PHACTR3: variants seen among roughly 807,000 people sequenced by gnomAD.
The protein encoded by PHACTR3 is phosphatase and actin regulator 3, also known as protein phosphatase 1, regulatory subunit 123.
In PHACTR3, 16 loss-of-function variants were observed where a neutral mutation model predicts 66.8. The ratio of observed to expected loss-of-function variants is 0.24; its 90% CI spans 0.16 to 0.36. PHACTR3 has a LOEUF of 0.36. Ranked by LOEUF, PHACTR3 falls within the 10% of genes least tolerant of loss-of-function variation. PHACTR3 has a pLI of 1.00. For missense variants in PHACTR3, 647 were observed against 719.9 expected (o/e 0.90, Z 1.16); for synonymous variants, 323 against 292.1 (o/e 1.11, Z -1.08).
chr20:59,762,014 A>G (rs1032404669), intron 4 of PHACTR3, among the ~76,000 whole-genome samples: 29 of 152,242 alleles, frequency 1.9e-4, no homozygotes, highest in Admixed American at 2.0e-4. Flanking sequence ...ATTCCAAAAT[A>G]CAACGGTGGC....
In PHACTR3 at chr20:59,586,085, C is replaced by T. The variant is rs114936447; in HGVS notation, c.109+8468C>T. On this transcript the variant is annotated intron_variant, in intron 1 of 12. Transcript: ENST00000359926. ...CCACCCTATGTGTTCGTGCTGTCACCTGACAGGTGCCCTTGGTAGCCCTTC... is the reference window on the plus strand; with the variant it reads ...CCACCCTATGTGTTCGTGCTGTCACTTGACAGGTGCCCTTGGTAGCCCTTC... Among the ~76,000 whole-genome samples, 713 of 152,314 alleles carry T rather than the reference C, an allele frequency of 4.7e-3. 5 individuals carry two copies. Among genetic ancestry groups the T allele is most frequent in the African/African-American group, 0.016 (675 of 41,564 alleles).
intron 1 of PHACTR3, among the ~76,000 whole-genome samples, chr20:59,691,429 T>C (rs1266529732): frequency 6.6e-6 from 1 of 152,222 alleles, no homozygotes; most frequent in East Asian, 1.9e-4. Context: ...TTTTCTCTGA[T>C]TTTCTTGCCT....
chr20:59,670,131 G>T (rs937203154), intron 1 of PHACTR3, among the ~76,000 whole-genome samples: 2 of 152,208 alleles, frequency 1.3e-5, no homozygotes, highest in African/African-American at 4.8e-5. Context: ...TTTAGGTGCT[G>T]CTCTTTCTTC....
Position 59,744,300 on chromosome 20 carries a change from G to T in PHACTR3, c.280+1032G>T, listed in dbSNP as rs148717654. ...CCCTGGCAGCCGGGTGTGGTGGCTC[G>T]TCAGCCTGGGCTCTGCAGATGGCAG... is the stretch of plus-strand genomic sequence containing the variant. On this transcript the variant is annotated intron_variant, in intron 2 of 12. Coordinates refer to ENST00000371015, the MANE Select transcript of PHACTR3 (RefSeq NM_080672.5). Among the ~76,000 whole-genome samples, 11 of 152,350 alleles carry T rather than the reference G, an allele frequency of 7.2e-5. No homozygotes were observed. The East Asian group carries it at 2.1e-3, about 29-fold the overall frequency.
At chr20:59,740,220 T>C (rs912570489) in intron 1 of PHACTR3, among the ~76,000 whole-genome samples, 3 of 152,208 alleles carry the variant, frequency 2.0e-5, no homozygotes, top group African/African-American at 7.2e-5. Context: ...TCTAGACATA[T>C]AGATAATATT....
At chr20:59,788,827 T>C (rs1366017503) in intron 7 of PHACTR3, among the ~76,000 whole-genome samples, 2 of 152,068 alleles carry the variant, frequency 1.3e-5, no homozygotes, top group African/African-American at 4.8e-5. Context: ...TGTTTCCACA[T>C]CAAAGCCCAG....
chr20:59,706,918 C>T (rs2037726083), intron 1 of PHACTR3, among the ~76,000 whole-genome samples: 1 of 152,200 alleles, frequency 6.6e-6, no homozygotes, highest in South Asian at 2.1e-4. Flanking sequence ...CTCAAGTCCT[C>T]ACATCATCTG....
chr20:59,696,366 T>C (rs992101010), intron 1 of PHACTR3, among the ~76,000 whole-genome samples: 14 of 152,164 alleles, frequency 9.2e-5, no homozygotes, highest in Admixed American at 2.6e-4. Context: ...TTCAGGGCTT[T>C]ACTGAGAGCC....
chr20:59,748,424 C>G (rs1260729128), intron 3 of PHACTR3, among the ~76,000 whole-genome samples: 1 of 152,170 alleles, frequency 6.6e-6, no homozygotes, highest in Non-Finnish European at 1.5e-5. Context: ...AGAGCAGAGA[C>G]ACAGAACAAA....
chr20:59,723,243 T>C (rs1001992832), intron 1 of PHACTR3, among the ~76,000 whole-genome samples: 2 of 152,018 alleles, frequency 1.3e-5, no homozygotes, highest in Non-Finnish European at 2.9e-5. Context: ...TAAAACACTT[T>C]CATCATCCCA....
chr20:59,796,171 A>G (rs1018434196), intron 7 of PHACTR3, among the ~76,000 whole-genome samples: 26 of 152,136 alleles, frequency 1.7e-4, no homozygotes, highest in African/African-American at 4.8e-4. Flanking sequence ...ATAAAAAATT[A>G]TAAAGTTATA....
chr20:59,588,633 G>C lies in PHACTR3; in HGVS notation c.109+11016G>C, dbSNP rs529962113. 1.6e-3 allele frequency among the ~76,000 whole-genome samples: 248 copies of C among 152,204 alleles called. 2 individuals carry two copies. The highest frequency in any genetic ancestry group is 5.6e-3 in the African/African-American group (234 of 41,512). Reference sequence around the variant, plus strand: ...ATCCTCAGCCTCCCGCCATCTTCCCGGTACTGCCCCACCCCTCACCCCTGG... The same window carrying C: ...ATCCTCAGCCTCCCGCCATCTTCCCCGTACTGCCCCACCCCTCACCCCTGG... On this transcript the variant is annotated intron_variant, in intron 1 of 12. Coordinates refer to the PHACTR3 transcript ENST00000359926.
chr20:59,616,292 G>T (rs2034022039), intron 1 of PHACTR3, among the ~76,000 whole-genome samples: 1 of 152,138 alleles, frequency 6.6e-6, no homozygotes, highest in South Asian at 2.1e-4. Context: ...TCACTGTGGA[G>T]AAGTTTTCAC....
intron 8 of PHACTR3, among the ~76,000 whole-genome samples, chr20:59,824,590 G>C (rs913300): frequency 0.11 from 16,054 of 152,234 alleles, 1,270 homozygotes; most frequent in East Asian, 0.26. Context: ...GGGCATTAAG[G>C]CTCTGCCCTG....
chr20:59,659,338 C>T (rs2035733904), intron 1 of PHACTR3, among the ~76,000 whole-genome samples: 1 of 148,536 alleles, frequency 6.7e-6, no homozygotes, highest in Admixed American at 6.7e-5. Flanking sequence ...AACACTGAGT[C>T]AGTCGTACCT....
At position 59,830,978 on chromosome 20, in the gene PHACTR3, C is replaced by T. The variant is rs112647408; in HGVS notation, c.1329-5527C>T. Among the ~76,000 whole-genome samples the T allele has an allele frequency of 0.042, 6,411 of 152,208 alleles. 442 individuals carry two copies. Among genetic ancestry groups the T allele is most frequent in the African/African-American group, 0.14 (5,897 of 41,508 alleles). On this transcript the variant is annotated intron_variant, in intron 8 of 12. Coordinates refer to ENST00000371015, the MANE Select transcript of PHACTR3 (RefSeq NM_080672.5). The surrounding 1 kb of genome is among the most constrained non-coding windows in gnomAD (Gnocchi z 5.8). ...AGCCTCTCCAGGCGTCCTGACTGTC[C>T]AGGCTGTCGGCGGTCTCATCAGCTC... is the stretch of plus-strand genomic sequence containing the variant.
chr20:59,630,153 G>A (rs111830897), intron 1 of PHACTR3, among the ~76,000 whole-genome samples: 417 of 152,128 alleles, frequency 2.7e-3, no homozygotes, highest in African/African-American at 9.2e-3. Flanking sequence ...TATAAAGAAC[G>A]TTCATATCAG....
chr20:59,779,065 T>G (rs528982642), intron 7 of PHACTR3, among the ~76,000 whole-genome samples: 1 of 152,308 alleles, frequency 6.6e-6, no homozygotes, highest in Non-Finnish European at 1.5e-5. Context: ...AGGTCAGGAT[T>G]CCTGTCTGAC....
rs755553999 is a variant in PHACTR3 at position 59,773,319 on chromosome 20, C to T, written c.792C>T (p.Ala264=). 1.9e-5 allele frequency: 30 copies of T among 1,614,002 alleles called. No homozygotes were observed. The highest frequency in any genetic ancestry group is 2.2e-5 in the South Asian group (2 of 91,084). The change falls in exon 6 of 13, where the codon GCC becomes GCT. Residue 264 remains alanine, a synonymous_variant. Coordinates refer to ENST00000371015, the MANE Select transcript of PHACTR3 (RefSeq NM_080672.5). ...TCCAAGCCTCCAGCATGAAGAGTGC[C>T]GACCCTTCCCTCCGGGGCCAGCTCT... The part of the protein sequence containing the change: ...TLFQASSMKS[A]DPSLRGQLST...
Sources: gnomAD v4.1 joint callset for allele counts (sites outside exome capture counted in the v4.1 genomes callset) on GRCh38, gnomAD v4.1.1 for gene constraint, Gnocchi (gnomAD v3.1) non-coding constraint, MANE v1.5 for transcripts, NCBI Gene and HGNC (gene_info 2026-07-23, HGNC 2026-07-21) for gene names.